The following ARGFX variants were observed in gnomAD, a reference collection of about 807,000 sequenced individuals.
The protein encoded by ARGFX is arginine-fifty homeobox.
A neutral mutation model predicts 8.0 loss-of-function variants in ARGFX; 10 were observed. The ratio of observed to expected loss-of-function variants is 1.25; its 90% CI spans 0.77 to 2.12. ARGFX has a LOEUF of 2.12. Ranked by LOEUF, ARGFX falls within the 30% of genes most tolerant of loss-of-function variation. The probability of loss-of-function intolerance (pLI) is 0.00; values close to 1 mark genes in which losing one functional copy is unlikely to be tolerated. For synonymous variants in ARGFX, 116 were observed against 117.8 expected (o/e 0.98, Z 0.10); for missense variants, 282 against 324.3 (o/e 0.87, Z 1.00).
At chr3:121,571,411 A>G (rs952388481) in intron 2 of ARGFX, among the ~76,000 whole-genome samples, 1 of 152,108 alleles carries the variant, frequency 6.6e-6, no homozygotes, top group African/African-American at 2.4e-5. Flanking sequence ...AACTCCATTT[A>G]CAATAGCATC....
At chr3:121,577,259 A>ATATATATATATATATTT (rs1403064031) in intron 3 of ARGFX, among the ~76,000 whole-genome samples, 1 of 59,624 alleles carries the variant, frequency 1.7e-5, no homozygotes, top group African/African-American at 6.2e-5. Flanking sequence ...ATATATATAT[A>ATATATATATATATATTT]TTTTTTTTTT....
intron 1 of ARGFX, among the ~76,000 whole-genome samples, chr3:121,568,719 C>T (rs764876790): frequency 1.3e-5 from 2 of 152,170 alleles, no homozygotes; most frequent in African/African-American, 2.4e-5. Flanking sequence ...ATGTGTTTGT[C>T]GAGGATCACA....
At chr3:121,579,534 GCT>G (rs574213603) in intron 3 of ARGFX, among the ~76,000 whole-genome samples, 145 of 152,308 alleles carry the variant, frequency 9.5e-4, no homozygotes, top group African/African-American at 3.3e-3. Context: ...GTTCCAGCAA[GCT>G]CTGTTCCCCT....
In ARGFX at chr3:121,587,197, G is replaced by A. The variant is rs550019702; in HGVS notation, c.*597G>A. Among the ~76,000 whole-genome samples, 15 of 152,058 alleles carry A rather than the reference G, an allele frequency of 9.9e-5. No homozygotes were observed. Among genetic ancestry groups the A allele is most frequent in the Admixed American group, 1.3e-4 (2 of 15,258 alleles). ...CTCCTGAGTAGCTGGGATTACAGGC[G>A]TGTGCCACCATGCCTGGCTAACTTT... is the stretch of plus-strand genomic sequence containing the variant. On this transcript the variant is annotated 3_prime_UTR_variant, in exon 5 of 5. Transcript: ENST00000334384.
rs1396183378 is a variant in ARGFX at position 121,588,557 on chromosome 3, C to CT, written c.*1958dup. Among the ~76,000 whole-genome samples the CT allele has an allele frequency of 6.6e-6, 1 of 151,110 alleles. No individual in the cohort carries two copies. Among genetic ancestry groups the CT allele is most frequent in the African/African-American group, 2.4e-5 (1 of 41,222 alleles). On this transcript the variant is annotated 3_prime_UTR_variant, in exon 5 of 5. Transcript: ENST00000334384. ...CTCTCAATGAAAAATGTAAAAGTACCTAGAAATTCACAAAAAAATTAATAC... is the reference window on the plus strand; with the variant it reads ...CTCTCAATGAAAAATGTAAAAGTACCTTAGAAATTCACAAAAAAATTAATAC...
intron 2 of ARGFX, among the ~76,000 whole-genome samples, chr3:121,576,187 G>C: frequency 6.6e-6 from 1 of 151,868 alleles, no homozygotes; most frequent in Non-Finnish European, 1.5e-5. Flanking sequence ...AGGTCAAGCA[G>C]AATGCTTTGC....
chr3:121,586,500 C>A lies in ARGFX; in HGVS notation c.848C>A (p.Thr283Asn), dbSNP rs1284544897. ...GCTGTAGGCCTATCTCCTGCACAAA[C>A]CTGGCCCAATATGACAAGCCAAGCC... ...GPAVGLSPAQTWPNMTSQAFE... is the reference protein window; with the variant it reads ...GPAVGLSPAQNWPNMTSQAFE... Residue 283 changes from threonine to asparagine, a missense_variant, in exon 5 of 5, where the codon ACC becomes AAC. Coordinates refer to ENST00000334384, the MANE Select transcript of ARGFX (RefSeq NM_001012659.2). The A allele has an allele frequency of 6.2e-7, 1 of 1,614,172 alleles. No individual in the cohort carries two copies. The highest frequency in any genetic ancestry group is 1.7e-5 in the Admixed American group (1 of 60,010).
chr3:121,590,144 G>A lies in ARGFX; in HGVS notation c.*3544G>A, dbSNP rs1204543695. Among the ~76,000 whole-genome samples, 1 of 152,142 alleles carries A rather than the reference G, an allele frequency of 6.6e-6. No individual in the cohort carries two copies. Among genetic ancestry groups the A allele is most frequent in the African/African-American group, 2.4e-5 (1 of 41,422 alleles). On this transcript the variant is annotated 3_prime_UTR_variant, in exon 5 of 5. Coordinates refer to ENST00000334384, the MANE Select transcript of ARGFX (RefSeq NM_001012659.2). ...TTAGAAAGAAATACTATGAACAATT[G>A]AATGCCAACAAATTAGATAAATGAA... is the stretch of plus-strand genomic sequence containing the variant.
intron 3 of ARGFX, among the ~76,000 whole-genome samples, chr3:121,578,241 C>T (rs1304200084): frequency 1.3e-5 from 2 of 151,910 alleles, no homozygotes; most frequent in Non-Finnish European, 2.9e-5. Flanking sequence ...GATTCTCCTG[C>T]CTCAGCCTCC....
Position 121,586,581 on chromosome 3 carries a change from T to A in ARGFX, c.929T>A (p.Val310Glu), listed in dbSNP as rs769152357. The change falls in exon 5 of 5, where the codon GTA becomes GAA. Residue 310 changes from valine (V) to glutamate (E), a missense_variant. Coordinates refer to ENST00000334384, the MANE Select transcript of ARGFX (RefSeq NM_001012659.2). Reference protein sequence around the residue: ...SLEFQKTSNMVDLGFL With the variant: ...SLEFQKTSNMEDLGFL ...GAATTCCAGAAAACCTCCAATATGG[T>A]AGACTTGGGATTTCTCTGACCAGAG... 7.4e-6 allele frequency: 12 copies of A among 1,613,288 alleles called. No individual in the cohort carries two copies. Among genetic ancestry groups the A allele is most frequent in the Non-Finnish European group, 1.0e-5 (12 of 1,179,648 alleles).
At chr3:121,578,284 T>C (rs1420313331) in intron 3 of ARGFX, among the ~76,000 whole-genome samples, 8 of 151,868 alleles carry the variant, frequency 5.3e-5, no homozygotes, top group African/African-American at 1.7e-4. Context: ...TGCGCCACCA[T>C]ACCTGGCTAA....
At chr3:121,571,814 C>T in intron 2 of ARGFX, among the ~76,000 whole-genome samples, 1 of 144,886 alleles carries the variant, frequency 6.9e-6, no homozygotes, top group East Asian at 2.1e-4. Context: ...AAACTCCTGA[C>T]CTTTAGGGTT....
chr3:121,582,090 G>A (rs992301838), intron 3 of ARGFX, among the ~76,000 whole-genome samples: 7 of 152,016 alleles, frequency 4.6e-5, no homozygotes, highest in Admixed American at 4.6e-4. Context: ...AATAAATCAA[G>A]TTCTTATTTT....
chr3:121,573,848 CAAAAAAAAAAAAAA>C (rs35593006), intron 2 of ARGFX, among the ~76,000 whole-genome samples: 1 of 59,036 alleles, frequency 1.7e-5, no homozygotes, highest in African/African-American at 7.0e-5. Context: ...AACTCCATCT[CAAAAAAAAAAAAAA>C]AAAAAAAAAA....
At chr3:121,578,843 T>TC (rs986702589) in intron 3 of ARGFX, among the ~76,000 whole-genome samples, 23 of 151,084 alleles carry the variant, frequency 1.5e-4, no homozygotes, top group African/African-American at 5.3e-4. Context: ...GCTATTTTTT[T>TC]TTTTTTTGTA....
At chr3:121,584,715 C>T (rs1161867014) in intron 3 of ARGFX, among the ~76,000 whole-genome samples, 2 of 152,144 alleles carry the variant, frequency 1.3e-5, no homozygotes, top group Admixed American at 6.5e-5. Flanking sequence ...TCTCAGAAAG[C>T]GGAGGACAGA....
chr3:121,587,254 G>A lies in ARGFX; in HGVS notation c.*654G>A, dbSNP rs1442726532. On this transcript the variant is annotated 3_prime_UTR_variant, in exon 5 of 5. Coordinates refer to ENST00000334384, the MANE Select transcript of ARGFX (RefSeq NM_001012659.2). ...TTTAGTAGAGACGGGGTTTCACCAC[G>A]TTGCCCAGGCTGGTCTTGAACTCCT... 2.6e-5 allele frequency among the ~76,000 whole-genome samples: 4 copies of A among 152,212 alleles called. No homozygotes were observed. The highest frequency in any genetic ancestry group is 4.2e-4 in the South Asian group (2 of 4,816).
Position 121,587,112 on chromosome 3 carries a change from G to A in ARGFX, c.*512G>A, listed in dbSNP as rs534000435. Among the ~76,000 whole-genome samples the A allele has an allele frequency of 4.6e-5, 7 of 151,794 alleles. No individual in the cohort carries two copies. Among genetic ancestry groups the A allele is most frequent in the African/African-American group, 7.2e-5 (3 of 41,382 alleles). On this transcript the variant is annotated 3_prime_UTR_variant, in exon 5 of 5. Coordinates refer to ENST00000334384, the MANE Select transcript of ARGFX (RefSeq NM_001012659.2). ...GTCACCCAGGGTGGAGTGCAGTGGC[G>A]GGATCTCAGCTCAGTGCAACCTCCA...
chr3:121,586,663 GT>G lies in ARGFX; in HGVS notation c.*70del. 1.5e-6 allele frequency: 2 copies of G among 1,350,334 alleles called. No individual in the cohort carries two copies. The highest frequency in any genetic ancestry group is 2.3e-5 in the Admixed American group (1 of 43,636). 83.6% of individuals were successfully genotyped at this position (1,350,334 alleles called of 1,614,324 possible). On this transcript the variant is annotated 3_prime_UTR_variant, in exon 5 of 5. Coordinates refer to ENST00000334384, the MANE Select transcript of ARGFX (RefSeq NM_001012659.2). ...GTCTTCTTGCCTCTTGTACATGACT[GT>G]TTTTTTCCTTTGTCTCATTTTAACC...
Sources: allele counts gnomAD v4.1 joint callset (sites outside exome capture counted in the v4.1 genomes callset), GRCh38; gene constraint gnomAD v4.1.1; transcripts MANE v1.5; gene names NCBI Gene and HGNC (gene_info 2026-07-23, HGNC 2026-07-21).